VWA8: variants seen among roughly 807,000 people sequenced by gnomAD.
VWA8 encodes the protein von Willebrand factor A domain-containing protein 8.
Under a neutral mutation model 241.5 loss-of-function variants are expected in VWA8, and 221 were observed. The observed-to-expected ratio is 0.91, with a 90% CI of 0.82 to 1.02. The LOEUF is 1.02. VWA8 is among the 50% of genes least tolerant of loss of function. VWA8 has a pLI of 0.00. For missense variants in VWA8, 2,322 were observed against 2,328.7 expected, an observed-to-expected ratio of 1.00 and a Z score of 0.06; for synonymous variants, 852 against 827.1, an observed-to-expected ratio of 1.03 and a Z score of -0.52.
chr13:41,881,266 T>G (rs1174647930), intron 9 of VWA8, among the ~76,000 whole-genome samples: 1 of 150,814 alleles, frequency 6.6e-6, no homozygotes, highest in Non-Finnish European at 1.5e-5. Flanking sequence ...CAGGCTCATC[T>G]TCTGCATTCC....
At chr13:41,622,659 G>GA (rs1163391901) in intron 37 of VWA8, among the ~76,000 whole-genome samples, 2 of 152,126 alleles carry the variant, frequency 1.3e-5, no homozygotes, top group Non-Finnish European at 2.9e-5. Context: ...AATTAAAATG[G>GA]AAAAAACATG....
At chr13:41,901,907 TATATATAC>T (rs148339479) in intron 4 of VWA8, among the ~76,000 whole-genome samples, 1,542 of 99,514 alleles carry the variant, frequency 0.015, 15 homozygotes, top group South Asian at 0.022. Context: ...TATATATATA[TATATATAC>T]ACACACATAT....
rs1232705072 is a variant in VWA8 at position 41,646,265 on chromosome 13, C to G, written c.4611+24681G>C. ...ACAGGTGTGAGCCACCACGCCCGGC[C>G]AAATTTTCCTGATTTTTATGTGTAG... On this transcript the variant is annotated intron_variant, in intron 37 of 44. Coordinates refer to ENST00000379310, the MANE Select transcript of VWA8 (RefSeq NM_015058.2). Among the ~76,000 whole-genome samples the G allele has an allele frequency of 3.3e-5, 5 of 152,156 alleles. No homozygotes were observed. The South Asian group carries it at 1.0e-3, about 32-fold the overall frequency.
chr13:41,746,391 C>T (rs930519416), intron 21 of VWA8, among the ~76,000 whole-genome samples: 1 of 152,102 alleles, frequency 6.6e-6, no homozygotes, highest in African/African-American at 2.4e-5. Flanking sequence ...TTTTCCAAAA[C>T]AGCCCTGACC....
chr13:41,832,026 G>A (rs1871492800), intron 13 of VWA8, among the ~76,000 whole-genome samples: 1 of 151,790 alleles, frequency 6.6e-6, no homozygotes, highest in South Asian at 2.1e-4. Context: ...CACCTCCCGG[G>A]TTCAAGCAAT....
intron 20 of VWA8, among the ~76,000 whole-genome samples, chr13:41,771,665 G>C (rs1330754154): frequency 6.6e-6 from 1 of 152,010 alleles, no homozygotes; most frequent in Non-Finnish European, 1.5e-5. Context: ...TGCAACTTCT[G>C]CCTCCCATAC....
intron 17 of VWA8, among the ~76,000 whole-genome samples, chr13:41,803,065 G>A (rs1870027339): frequency 6.6e-6 from 1 of 152,178 alleles, no homozygotes; most frequent in Admixed American, 6.5e-5. Flanking sequence ...CCACCAATGT[G>A]GTATCTCTAT....
At chr13:41,630,763 TA>T (rs2044721116) in intron 37 of VWA8, among the ~76,000 whole-genome samples, 1 of 152,196 alleles carries the variant, frequency 6.6e-6, no homozygotes. Flanking sequence ...ATTAATATTT[TA>T]CTTTACCTTT....
intron 37 of VWA8, among the ~76,000 whole-genome samples, chr13:41,648,368 T>A (rs558429544): frequency 1.3e-5 from 2 of 152,142 alleles, no homozygotes; most frequent in South Asian, 4.1e-4. Context: ...CAGAACAACT[T>A]AGATTTCTGA....
At chr13:41,817,046 G>T (rs1870728016) in intron 15 of VWA8, among the ~76,000 whole-genome samples, 1 of 152,040 alleles carries the variant, frequency 6.6e-6, no homozygotes. Context: ...AAAACTGAAG[G>T]GAGCCTTTAA....
intron 12 of VWA8, among the ~76,000 whole-genome samples, chr13:41,863,437 A>ATATATACACACACACACACACAC (rs1873126295): frequency 1.1e-5 from 1 of 87,660 alleles, no homozygotes; most frequent in Non-Finnish European, 2.6e-5. Context: ...GTGTGTGTAT[A>ATATATACACACACACACACACAC]TATATATATA....
At chr13:41,786,780 C>T (rs1869209042) in intron 18 of VWA8, among the ~76,000 whole-genome samples, 1 of 152,078 alleles carries the variant, frequency 6.6e-6, no homozygotes, top group South Asian at 2.1e-4. Flanking sequence ...AAAGAGTAGT[C>T]ACACATTGGC....
At chr13:41,671,284 G>T in intron 36 of VWA8, 137 bp from the exon 37 acceptor site, 2 of 937,554 alleles carry the variant, frequency 2.1e-6, no homozygotes, top group Non-Finnish European at 3.2e-6. Flanking sequence ...TCTTACCTCT[G>T]TCACCACATA....
At chr13:41,923,015 G>T (rs1233703693) in intron 2 of VWA8, among the ~76,000 whole-genome samples, 1 of 152,194 alleles carries the variant, frequency 6.6e-6, no homozygotes, top group East Asian at 1.9e-4. Context: ...ATTCACAATA[G>T]CAAAGACTTG....
chr13:41,754,781 C>T (rs944170536), intron 21 of VWA8, among the ~76,000 whole-genome samples: 20 of 152,184 alleles, frequency 1.3e-4, no homozygotes, highest in African/African-American at 4.3e-4. Context: ...CTGGTGACCA[C>T]GCTTCTGCTC....
chr13:41,686,736 C>T (rs1411553239), intron 34 of VWA8, among the ~76,000 whole-genome samples: 1 of 152,112 alleles, frequency 6.6e-6, no homozygotes, highest in Non-Finnish European at 1.5e-5. Context: ...CTCAAGTCCA[C>T]TGTATGTGAC....
intron 37 of VWA8, among the ~76,000 whole-genome samples, chr13:41,650,377 T>G (rs2044861535): frequency 6.6e-6 from 1 of 152,214 alleles, no homozygotes; most frequent in African/African-American, 2.4e-5. Flanking sequence ...TTTGGCTACC[T>G]GGCTCAGAGG....
chr13:41,650,713 C>T (rs896846235), intron 37 of VWA8, among the ~76,000 whole-genome samples: 3 of 152,208 alleles, frequency 2.0e-5, no homozygotes, highest in Admixed American at 6.5e-5. Context: ...GACATACACT[C>T]TGCTCTGGGG....
Position 41,591,604 on chromosome 13 carries a change from T to C in VWA8, c.4987-839A>G, listed in dbSNP as rs574659161. ...TAATATCCAGAATCTACAATGAACT[T>C]AAACAAATTTACAAGAAAAAAACAA... On this transcript the variant is annotated intron_variant, in intron 40 of 44. Coordinates refer to ENST00000379310, the MANE Select transcript of VWA8 (RefSeq NM_015058.2). Among the ~76,000 whole-genome samples the C allele has an allele frequency of 1.9e-4, 29 of 151,678 alleles. No individual in the cohort carries two copies. In the East Asian group the frequency reaches 2.3e-3, roughly 12 times the overall value.
Sources: allele counts gnomAD v4.1 joint callset (sites outside exome capture counted in the v4.1 genomes callset), GRCh38; gene constraint gnomAD v4.1.1; transcripts MANE v1.5; gene names NCBI Gene and HGNC (gene_info 2026-07-23, HGNC 2026-07-21).